MEGF11: variants seen among roughly 807,000 people sequenced by gnomAD.
MEGF11 encodes the protein multiple EGF like domains 11.
Under a neutral mutation model 146.6 loss-of-function variants are expected in MEGF11, and 126 were observed. That is an observed-to-expected ratio of 0.86 (90% CI 0.74 to 1.00). The LOEUF (loss-of-function observed/expected upper bound fraction) is 1.00, where lower values mean the gene tolerates loss of function less well. Among genes scored for constraint, MEGF11 ranks in the 50% least tolerant of loss-of-function variants. MEGF11 has a pLI of 0.00. For missense variants in MEGF11, 1,509 were observed against 1,521.2 expected (o/e 0.99, Z 0.13); for synonymous variants, 532 against 583.4 (o/e 0.91, Z 1.27).
intron 5 of MEGF11, among the ~76,000 whole-genome samples, chr15:66,046,370 A>G (rs1435300350): frequency 6.6e-6 from 1 of 152,210 alleles, no homozygotes; most frequent in Non-Finnish European, 1.5e-5. Flanking sequence ...CTAATGGAGG[A>G]AGCACACCCC....
chr15:66,069,576 TG>T (rs1167926973), intron 5 of MEGF11, among the ~76,000 whole-genome samples: 1 of 152,212 alleles, frequency 6.6e-6, no homozygotes, highest in Non-Finnish European at 1.5e-5. Context: ...ATGGTGATGC[TG>T]GGATAGGACC....
chr15:65,906,505 C>T (rs558628956), intron 23 of MEGF11: 126 of 210,794 alleles, frequency 6.0e-4, no homozygotes, highest in Non-Finnish European at 9.0e-4. Context: ...ACTCCAGGCT[C>T]CAAGGGTATA....
intron 5 of MEGF11, among the ~76,000 whole-genome samples, chr15:66,009,018 A>G (rs2082615981): frequency 6.6e-6 from 1 of 152,126 alleles, no homozygotes; most frequent in South Asian, 2.1e-4. Flanking sequence ...AAGGACAGCA[A>G]TGTAACCAGA....
chr15:66,100,045 G>A (rs772598524), intron 4 of MEGF11, among the ~76,000 whole-genome samples: 2 of 152,132 alleles, frequency 1.3e-5, no homozygotes, highest in Non-Finnish European at 1.5e-5. Flanking sequence ...ACCTTCAGGC[G>A]CTTTGTCTCA....
At chr15:65,916,664 G>A in intron 17 of MEGF11, 164 bp downstream of exon 17, 7 of 1,244,134 alleles carry the variant, frequency 5.6e-6, no homozygotes, top group Non-Finnish European at 8.0e-6. Flanking sequence ...GTCTGGAGCT[G>A]CCCCTGCAGA....
chr15:65,954,010 C>T (rs752527383), intron 10 of MEGF11, among the ~76,000 whole-genome samples: 10 of 152,084 alleles, frequency 6.6e-5, no homozygotes, highest in Non-Finnish European at 1.0e-4. Context: ...GCTGAGGATG[C>T]GGTTTCACAT....
At chr15:66,111,158 T>C (rs1332420719) in intron 4 of MEGF11, among the ~76,000 whole-genome samples, 4 of 152,228 alleles carry the variant, frequency 2.6e-5, no homozygotes, top group Admixed American at 2.0e-4. Flanking sequence ...GTAACAATAA[T>C]GCTCACTTCT....
At chr15:65,900,233 G>C (rs1046793297) in intron 24 of MEGF11, among the ~76,000 whole-genome samples, 22 of 152,176 alleles carry the variant, frequency 1.4e-4, no homozygotes, top group African/African-American at 4.8e-4. Context: ...TGAAATTCTT[G>C]GATGATCTGT....
chr15:66,150,643 A>AGGAAGGAAGGAC (rs1223984931), intron 1 of MEGF11, among the ~76,000 whole-genome samples: 4 of 152,148 alleles, frequency 2.6e-5, no homozygotes, highest in Admixed American at 6.5e-5. Context: ...GAAGGAAGGA[A>AGGAAGGAAGGAC]GGAAGAAAGG....
chr15:66,146,365 A>G (rs2141020830), intron 1 of MEGF11, among the ~76,000 whole-genome samples: 1 of 152,334 alleles, frequency 6.6e-6, no homozygotes, highest in East Asian at 1.9e-4. Context: ...GGAAGAGTCT[A>G]CATTTCTTCT....
chr15:66,234,840 T>C (rs541981786), intron 1 of MEGF11, among the ~76,000 whole-genome samples: 2 of 150,648 alleles, frequency 1.3e-5, no homozygotes, highest in Non-Finnish European at 2.9e-5. Context: ...CGCTGAGAAA[T>C]TAAAGATGAA....
intron 4 of MEGF11, among the ~76,000 whole-genome samples, chr15:66,105,206 C>G (rs2035183): frequency 0.41 from 61,638 of 151,974 alleles, 12,950 homozygotes; most frequent in South Asian, 0.48. Flanking sequence ...CCACAGGGCT[C>G]GTCCTAGTGC....
chr15:66,134,604 C>T (rs1207798681), intron 1 of MEGF11, among the ~76,000 whole-genome samples: 1 of 152,224 alleles, frequency 6.6e-6, no homozygotes, highest in African/African-American at 2.4e-5. Context: ...CCTCTGAAGA[C>T]AAGTCAGCCT....
At position 65,975,828 on chromosome 15, in the gene MEGF11, G is replaced by C. The variant is rs138367406; in HGVS notation, c.762+4950C>G. On this transcript the variant is annotated intron_variant, in intron 7 of 25. Coordinates refer to ENST00000395614, the MANE Select transcript of MEGF11 (RefSeq NM_001385028.1). ...TAGTAATTGAACCAAGTTGACACCTGATGAGGTGGCACATGGTGGGAGCCC... is the reference window on the plus strand; with the variant it reads ...TAGTAATTGAACCAAGTTGACACCTCATGAGGTGGCACATGGTGGGAGCCC... Among the ~76,000 whole-genome samples the C allele has an allele frequency of 7.1e-3, 1,080 of 152,292 alleles. 12 individuals carry two copies. The highest frequency in any genetic ancestry group is 0.025 in the African/African-American group (1,025 of 41,552).
chr15:66,193,624 C>T (rs1297066082), intron 1 of MEGF11, among the ~76,000 whole-genome samples: 3 of 151,970 alleles, frequency 2.0e-5, no homozygotes, highest in Non-Finnish European at 4.4e-5. Context: ...AAACCAAGGA[C>T]ATGGAGGGCT....
intron 1 of MEGF11, among the ~76,000 whole-genome samples, chr15:66,148,056 G>A (rs981165587): frequency 2.6e-5 from 4 of 152,134 alleles, no homozygotes; most frequent in African/African-American, 9.7e-5. Flanking sequence ...GGAAAAGGCC[G>A]AAGCCATCTA....
chr15:66,207,729 C>G (rs1355406087), intron 1 of MEGF11, among the ~76,000 whole-genome samples: 1 of 152,146 alleles, frequency 6.6e-6, no homozygotes, highest in Non-Finnish European at 1.5e-5. Context: ...GCAATAATTA[C>G]AAATACTGTT....
chr15:65,999,893 C>T (rs2082308690), intron 5 of MEGF11, among the ~76,000 whole-genome samples: 2 of 152,210 alleles, frequency 1.3e-5, no homozygotes, highest in Admixed American at 6.5e-5. Context: ...TAAACTCCTT[C>T]AGGGGAGGCA....
rs2141686977 is a variant in MEGF11, at chr15:65,982,022, C to T, written c.641+220G>A. ...GAGACCTGCGTGGGTGAGGCCTGGG[C>T]ATTTAGACTCACAGGAGATTTCACA... On this transcript the variant is annotated intron_variant, in intron 6 of 25. Coordinates refer to ENST00000395614, the MANE Select transcript of MEGF11 (RefSeq NM_001385028.1). The surrounding 1 kb of genome is among the most constrained non-coding windows in gnomAD (Gnocchi z 5.6). Among the ~76,000 whole-genome samples the T allele has an allele frequency of 6.6e-6, 1 of 152,304 alleles. No individual in the cohort carries two copies. Among genetic ancestry groups the T allele is most frequent in the South Asian group, 2.1e-4 (1 of 4,824 alleles).
Sources: gnomAD v4.1 joint callset for allele counts (sites outside exome capture counted in the v4.1 genomes callset) on GRCh38, gnomAD v4.1.1 for gene constraint, Gnocchi (gnomAD v3.1) non-coding constraint, MANE v1.5 for transcripts, NCBI Gene and HGNC (gene_info 2026-07-23, HGNC 2026-07-21) for gene names.